Variants in ZBTB20 observed in about 807,000 individuals in gnomAD.
ZBTB20 encodes the protein zinc finger and BTB domain-containing protein 20.
Under a neutral mutation model 56.9 loss-of-function variants are expected in ZBTB20, and 9 were observed. The ratio of observed to expected loss-of-function variants is 0.16; its 90% CI spans 0.10 to 0.28. The LOEUF (loss-of-function observed/expected upper bound fraction) is 0.28. Among genes scored for constraint, ZBTB20 ranks in the 10% least tolerant of loss-of-function variants. The pLI, the probability that ZBTB20 is intolerant of heterozygous loss-of-function variation, is 1.00. For synonymous variants in ZBTB20, 417 were observed against 420.7 expected, an observed-to-expected ratio of 0.99 and a Z score of 0.11; for missense variants, 655 against 1,003.0, an observed-to-expected ratio of 0.65 and a Z score of 4.69.
intron 2 of ZBTB20, among the ~76,000 whole-genome samples, chr3:115,032,680 A>G (rs994468678): frequency 6.6e-6 from 1 of 151,534 alleles, no homozygotes; most frequent in Non-Finnish European, 1.5e-5. Context: ...ATAGACAAAT[A>G]TCATACAAAG....
chr3:114,738,830 C>T (rs2066371887), intron 5 of ZBTB20, among the ~76,000 whole-genome samples: 2 of 152,172 alleles, frequency 1.3e-5, no homozygotes, highest in South Asian at 4.1e-4. Flanking sequence ...TTCAAAGATA[C>T]AGAATTTCCA....
intron 5 of ZBTB20, among the ~76,000 whole-genome samples, chr3:114,769,597 A>AT (rs2069048509): frequency 7.8e-6 from 1 of 127,804 alleles, no homozygotes. Context: ...ATATATATAT[A>AT]ATGGAATACT....
chr3:114,591,849 C>G (rs1432708088), intron 6 of ZBTB20, among the ~76,000 whole-genome samples: 3 of 152,166 alleles, frequency 2.0e-5, no homozygotes, highest in African/African-American at 7.2e-5. Context: ...AAAAGCATTG[C>G]ACTTTGAAAG....
chr3:114,758,359 C>T (rs2068170867), intron 5 of ZBTB20, among the ~76,000 whole-genome samples: 1 of 152,088 alleles, frequency 6.6e-6, no homozygotes, highest in Non-Finnish European at 1.5e-5. Flanking sequence ...GATAAAAAGA[C>T]CACACAATTG....
intron 3 of ZBTB20, among the ~76,000 whole-genome samples, chr3:114,922,388 T>A (rs1168980267): frequency 6.6e-6 from 1 of 151,876 alleles, no homozygotes; most frequent in African/African-American, 2.4e-5. Flanking sequence ...TGTTTATAGA[T>A]GACATAATCT....
At chr3:114,728,662 A>T (rs1382948198) in intron 5 of ZBTB20, among the ~76,000 whole-genome samples, 2 of 152,230 alleles carry the variant, frequency 1.3e-5, no homozygotes, top group Non-Finnish European at 2.9e-5. Context: ...TAAAACCGTG[A>T]ATAGTGGTCA....
chr3:114,710,521 C>A (rs996073673), intron 5 of ZBTB20, among the ~76,000 whole-genome samples: 2 of 152,220 alleles, frequency 1.3e-5, no homozygotes, highest in Non-Finnish European at 2.9e-5. Flanking sequence ...TAGCTCCCAA[C>A]TCCATGGGAT....
At chr3:115,064,160 G>A (rs945853874) in intron 2 of ZBTB20, among the ~76,000 whole-genome samples, 1 of 152,056 alleles carries the variant, frequency 6.6e-6, no homozygotes, top group Admixed American at 6.6e-5. Context: ...AGTAAAGACT[G>A]CTTATTTTTA....
intron 5 of ZBTB20, among the ~76,000 whole-genome samples, chr3:114,725,967 G>GTGAC (rs2065247594): frequency 6.6e-6 from 1 of 152,176 alleles, no homozygotes. Context: ...GGGGGTTGTG[G>GTGAC]TGACCACAGT....
intron 6 of ZBTB20, among the ~76,000 whole-genome samples, chr3:114,531,311 C>G (rs182099154): frequency 2.4e-4 from 36 of 152,218 alleles, no homozygotes; most frequent in Non-Finnish European, 2.9e-5. Flanking sequence ...GTTCTAAATC[C>G]TGTAGTGCTT....
intron 1 of ZBTB20, among the ~76,000 whole-genome samples, chr3:115,106,105 C>T (rs113390629): frequency 5.9e-5 from 9 of 151,546 alleles, no homozygotes; most frequent in African/African-American, 1.9e-4. Flanking sequence ...CGTGAGCCAC[C>T]GTGCCCAGAC....
At chr3:114,828,909 G>A (rs1416866397) in intron 4 of ZBTB20, among the ~76,000 whole-genome samples, 1 of 151,782 alleles carries the variant, frequency 6.6e-6, no homozygotes, top group Admixed American at 6.6e-5. Flanking sequence ...CTGAATAGTA[G>A]CCCTTTACAA....
chr3:114,456,453 GT>G (rs954823225), intron 7 of ZBTB20, among the ~76,000 whole-genome samples: 32 of 152,038 alleles, frequency 2.1e-4, no homozygotes, highest in African/African-American at 7.5e-4. Context: ...AGAAGATGTG[GT>G]TTTTCTCATA....
chr3:114,535,507 C>T (rs899033149), intron 6 of ZBTB20, among the ~76,000 whole-genome samples: 1 of 152,132 alleles, frequency 6.6e-6, no homozygotes, highest in Admixed American at 6.5e-5. Context: ...TAATAGCCTA[C>T]CAACCAAAAA....
chr3:114,960,351 C>A (rs1331026243), intron 3 of ZBTB20, among the ~76,000 whole-genome samples: 2 of 152,194 alleles, frequency 1.3e-5, no homozygotes, highest in African/African-American at 2.4e-5. Context: ...AAAGTGTCAA[C>A]TGCACATATT....
intron 2 of ZBTB20, among the ~76,000 whole-genome samples, chr3:114,999,308 G>A (rs1276060104): frequency 6.7e-6 from 1 of 148,614 alleles, no homozygotes; most frequent in Non-Finnish European, 1.5e-5. Flanking sequence ...GAAATGAAAG[G>A]GGGAGGGAAA....
At chr3:115,068,136 A>C (rs1182763591) in intron 2 of ZBTB20, among the ~76,000 whole-genome samples, 1 of 152,032 alleles carries the variant, frequency 6.6e-6, no homozygotes. Flanking sequence ...TAAAAATATC[A>C]GGTTTAACAG....
intron 6 of ZBTB20, among the ~76,000 whole-genome samples, chr3:114,620,478 G>C (rs1382853643): frequency 6.6e-6 from 1 of 152,078 alleles, no homozygotes; most frequent in Non-Finnish European, 1.5e-5. Context: ...TTTTAGTAGA[G>C]AGGGGGTTTC....
At chr3:114,939,589 T>C (rs1371620570) in intron 3 of ZBTB20, among the ~76,000 whole-genome samples, 1 of 146,196 alleles carries the variant, frequency 6.8e-6, no homozygotes, top group Non-Finnish European at 1.5e-5. Context: ...GCATTCAAAA[T>C]AAAAAGGCAA....
Sources: allele counts gnomAD v4.1 joint callset (sites outside exome capture counted in the v4.1 genomes callset), GRCh38; gene constraint gnomAD v4.1.1; transcripts MANE v1.5; gene names NCBI Gene and HGNC (gene_info 2026-07-23, HGNC 2026-07-21).